The following CSMD1 variants were observed in gnomAD, a reference collection of about 807,000 sequenced individuals.
CSMD1 encodes CUB and sushi domain-containing protein 1.
Under a neutral mutation model 417.5 loss-of-function variants are expected in CSMD1, and 213 were observed. The observed-to-expected ratio is 0.51, with a 90% confidence interval of 0.46 to 0.57. CSMD1 has a LOEUF of 0.57. Among genes scored for constraint, CSMD1 ranks in the 20% least tolerant of loss-of-function variants. The pLI, the probability that CSMD1 is intolerant of heterozygous loss-of-function variation, is 0.00. For synonymous variants in CSMD1, 2,862 were observed against 1,736.8 expected, an observed-to-expected ratio of 1.65 and a Z score of -16.11; for missense variants, 6,923 against 4,529.7, an observed-to-expected ratio of 1.53 and a Z score of -15.17.
intron 5 of CSMD1, among the ~76,000 whole-genome samples, chr8:3,825,126 G>T (rs537992727): frequency 3.0e-4 from 45 of 152,228 alleles, no homozygotes; most frequent in African/African-American, 1.1e-3. Flanking sequence ...TGATTTGAAA[G>T]GAAGCACAGG....
intron 11 of CSMD1, among the ~76,000 whole-genome samples, chr8:3,478,335 C>G (rs758317331): frequency 4.6e-5 from 7 of 152,210 alleles, no homozygotes; most frequent in Non-Finnish European, 1.0e-4. Flanking sequence ...TTGACTAAAG[C>G]CCAACGTGAT....
intron 23 of CSMD1, among the ~76,000 whole-genome samples, chr8:3,328,951 A>G (rs1049193336): frequency 6.6e-6 from 1 of 152,222 alleles, no homozygotes; most frequent in African/African-American, 2.4e-5. Flanking sequence ...GCTCAAGTCT[A>G]TTACATCCCA....
At chr8:3,631,982 T>A (rs779750218) in intron 7 of CSMD1, among the ~76,000 whole-genome samples, 1 of 152,236 alleles carries the variant, frequency 6.6e-6, no homozygotes, top group African/African-American at 2.4e-5. Flanking sequence ...TTACACATTG[T>A]ACACTTAGAA....
intron 2 of CSMD1, among the ~76,000 whole-genome samples, chr8:4,590,045 TA>T (rs1466623989): frequency 1.3e-5 from 2 of 152,232 alleles, no homozygotes; most frequent in Non-Finnish European, 2.9e-5. Context: ...TTAACAATAT[TA>T]CATTTATTTA....
In CSMD1 at chr8:3,359,288, T is replaced by A; in HGVS notation, c.3168A>T (p.Arg1056Ser). The A allele has an allele frequency of 1.2e-6, 2 of 1,613,782 alleles. No individual in the cohort carries two copies. The highest frequency in any genetic ancestry group is 1.7e-6 in the Non-Finnish European group (2 of 1,179,824). Residue 1056 changes from arginine to serine, a missense_variant, in exon 21 of 70, where the codon AGA (arginine) becomes AGT (serine). By Grantham distance (110) the Arg-to-Ser change is moderately radical (BLOSUM62 -1). Coordinates refer to ENST00000635120, the MANE Select transcript of CSMD1 (RefSeq NM_033225.6). The part of the protein sequence containing the change: ...DDPGVPAFSR[R>S]IGFHFGVGDS... Reference sequence around the variant, plus strand: ...CTCCCACACCAAAGTGAAAACCAATTCTTCGGCTGAAGGCAGGGACTCCAG... The same window carrying A: ...CTCCCACACCAAAGTGAAAACCAATACTTCGGCTGAAGGCAGGGACTCCAG...
At position 4,735,468 on chromosome 8, in the gene CSMD1, T is replaced by A. The variant is rs527628398; in HGVS notation, c.86-97910A>T. 3.3e-5 allele frequency among the ~76,000 whole-genome samples: 5 copies of A among 152,314 alleles called. No homozygotes were observed. In the South Asian group the frequency reaches 1.0e-3, roughly 32 times the overall value. On this transcript the variant is annotated intron_variant, in intron 1 of 69. Coordinates refer to ENST00000635120, the MANE Select transcript of CSMD1 (RefSeq NM_033225.6). ...TCTGCAAGTGTTGTAGGACGACAGATTTCCTTTCAAACATTGAACTTTATG... is the reference window on the plus strand; with the variant it reads ...TCTGCAAGTGTTGTAGGACGACAGAATTCCTTTCAAACATTGAACTTTATG...
intron 9 of CSMD1, among the ~76,000 whole-genome samples, chr8:3,579,751 T>C (rs1367698443): frequency 1.3e-5 from 2 of 152,196 alleles, no homozygotes; most frequent in East Asian, 3.8e-4. Context: ...TAACTCCACT[T>C]ATGATTGCTC....
intron 3 of CSMD1, among the ~76,000 whole-genome samples, chr8:4,058,361 T>C (rs1288500890): frequency 6.6e-6 from 1 of 152,174 alleles, no homozygotes; most frequent in Non-Finnish European, 1.5e-5. Context: ...ATAAGAATGC[T>C]TGTGATTTTT....
chr8:4,223,331 T>C (rs1474570068), intron 3 of CSMD1, among the ~76,000 whole-genome samples: 4 of 152,242 alleles, frequency 2.6e-5, no homozygotes, highest in Admixed American at 2.0e-4. Context: ...AAGAACACTG[T>C]TGTCTCAGAA....
At chr8:2,953,033 GATA>G (rs764738288) in intron 65 of CSMD1, among the ~76,000 whole-genome samples, 6 of 152,056 alleles carry the variant, frequency 3.9e-5, no homozygotes, top group Admixed American at 3.3e-4. Context: ...AAGGAATATT[GATA>G]ATAATGTTTG....
At chr8:4,885,110 T>C (rs894715160) in intron 1 of CSMD1, among the ~76,000 whole-genome samples, 1 of 152,140 alleles carries the variant, frequency 6.6e-6, no homozygotes, top group Non-Finnish European at 1.5e-5. Flanking sequence ...AATGGAATGG[T>C]ATTCTTAATT....
chr8:2,997,964 T>A (rs1030288269), intron 54 of CSMD1, 47 bp downstream of exon 54: 1 of 1,579,422 alleles, frequency 6.3e-7, no homozygotes, highest in Non-Finnish European at 8.6e-7. Context: ...CTGGGCAGCC[T>A]AGAACACTCT....
intron 5 of CSMD1, among the ~76,000 whole-genome samples, chr8:3,896,416 G>A (rs1807368911): frequency 6.6e-6 from 1 of 152,138 alleles, no homozygotes; most frequent in African/African-American, 2.4e-5. Context: ...CATGGAAAAT[G>A]CTACATGTAA....
rs1410870657 is a variant in CSMD1, at chr8:3,104,167, T to TA, written c.6949+2360dup. Among the ~76,000 whole-genome samples, 5 of 152,328 alleles carry TA rather than the reference T, an allele frequency of 3.3e-5. No homozygotes were observed. In the East Asian group the frequency reaches 5.8e-4, roughly 18 times the overall value. On this transcript the variant is annotated intron_variant, in intron 46 of 69. Coordinates refer to ENST00000635120, the MANE Select transcript of CSMD1 (RefSeq NM_033225.6). ...AACTTGAGGCTTTGTTTGTTGGGAT[T>TA]AAAATGTACCTTAAAAATGTGAAGG...
intron 52 of CSMD1, among the ~76,000 whole-genome samples, chr8:3,006,476 GC>G (rs1807913938): frequency 6.6e-6 from 1 of 152,046 alleles, no homozygotes; most frequent in African/African-American, 2.4e-5. Flanking sequence ...TCAATCCTAA[GC>G]CAAAAGAACA....
At chr8:4,273,171 G>T (rs568453095) in intron 3 of CSMD1, among the ~76,000 whole-genome samples, 12 of 152,066 alleles carry the variant, frequency 7.9e-5, no homozygotes, top group Admixed American at 7.9e-4. Context: ...TTTTAAAAGA[G>T]ATTTGGATAA....
chr8:4,134,230 C>G (rs979032527), intron 3 of CSMD1, among the ~76,000 whole-genome samples: 12 of 152,122 alleles, frequency 7.9e-5, no homozygotes, highest in Non-Finnish European at 1.5e-4. Flanking sequence ...TGTGTCTCCC[C>G]AGAGTTCGTA....
chr8:4,297,091 G>A (rs931925924), intron 3 of CSMD1, among the ~76,000 whole-genome samples: 2 of 710 alleles, frequency 2.8e-3, no homozygotes, highest in African/African-American at 3.7e-3. Flanking sequence ...AGCTTGGGGA[G>A]ACTCTAGAGC....
intron 3 of CSMD1, among the ~76,000 whole-genome samples, chr8:4,040,348 T>G (rs746846454): frequency 5.5e-4 from 84 of 152,182 alleles, no homozygotes; most frequent in Non-Finnish European, 1.0e-3. Flanking sequence ...AGTACTATTA[T>G]TATGCCCATT....
Sources: allele counts gnomAD v4.1 joint callset (sites outside exome capture counted in the v4.1 genomes callset), GRCh38; gene constraint gnomAD v4.1.1; transcripts MANE v1.5; gene names NCBI Gene and HGNC (gene_info 2026-07-23, HGNC 2026-07-21).